NEK4: variants seen among roughly 807,000 people sequenced by gnomAD.
NEK4 encodes serine/threonine-protein kinase Nek4.
NEK4 carries 86 observed loss-of-function variants against 98.4 expected under a neutral mutation model. The ratio of observed to expected loss-of-function variants is 0.87; its 90% CI spans 0.73 to 1.05. NEK4 has a LOEUF of 1.05. Ranked by LOEUF, NEK4 falls within the 50% of genes least tolerant of loss-of-function variation. The probability of loss-of-function intolerance (pLI) is 0.00; values close to 1 mark genes in which losing one functional copy is unlikely to be tolerated. For missense variants in NEK4, 898 were observed against 950.3 expected, an observed-to-expected ratio of 0.94 and a Z score of 0.72; for synonymous variants, 328 against 342.2, an observed-to-expected ratio of 0.96 and a Z score of 0.46.
At chr3:52,734,518 C>A (rs543078580) in intron 15 of NEK4, among the ~76,000 whole-genome samples, 40 of 147,682 alleles carry the variant, frequency 2.7e-4, no homozygotes, top group African/African-American at 9.6e-4. Context: ...ACTAAAAATA[C>A]AAAAATTAGC....
chr3:52,716,225 C>A (rs1030185517), intron 15 of NEK4, among the ~76,000 whole-genome samples: 4 of 152,214 alleles, frequency 2.6e-5, no homozygotes, highest in Non-Finnish European at 4.4e-5. Flanking sequence ...ATGGACAGAA[C>A]AAGCCCAGTG....
chr3:52,758,178 CAAAAAAA>C (rs35117059), intron 6 of NEK4, among the ~76,000 whole-genome samples: 2 of 62,780 alleles, frequency 3.2e-5, no homozygotes, highest in Non-Finnish European at 5.5e-5. Context: ...GACACCATCT[CAAAAAAA>C]AAAAAAAAAA....
chr3:52,739,039 T>G (rs539100842), intron 14 of NEK4, among the ~76,000 whole-genome samples: 118 of 152,322 alleles, frequency 7.7e-4, no homozygotes, highest in African/African-American at 2.6e-3. Context: ...ACAAAAAAAT[T>G]TATAGGCATT....
At chr3:52,720,708 G>A (rs1162106408) in intron 15 of NEK4, among the ~76,000 whole-genome samples, 2 of 152,146 alleles carry the variant, frequency 1.3e-5, no homozygotes, top group Non-Finnish European at 2.9e-5. Context: ...GAAATTCCCA[G>A]ATAAACAAAA....
At position 52,741,455 on chromosome 3, in the gene NEK4, A is replaced by G. The variant is rs927288423; in HGVS notation, c.2049T>C (p.Ser683=). ...CTGACTTATCAGTTGAACTTGTAGA[A>G]GAACTTAACTCATCCTCAGACAGAC... ...IHCLSEDELS[S]STSSTDKSDG... is the part of the protein sequence containing the mutation. Residue 683 remains serine (S), a synonymous_variant, in exon 13 of 16, where the codon TCT becomes TCC. Coordinates refer to ENST00000233027, the MANE Select transcript of NEK4 (RefSeq NM_003157.6). The G allele has an allele frequency of 6.2e-7, 1 of 1,611,542 alleles. No individual in the cohort carries two copies.
At chr3:52,747,138 G>A (rs1444658224) in intron 8 of NEK4, among the ~76,000 whole-genome samples, 1 of 152,092 alleles carries the variant, frequency 6.6e-6, no homozygotes, top group Non-Finnish European at 1.5e-5. Context: ...GAATATAGAG[G>A]TATACATAAC....
chr3:52,750,672 A>G (rs981991808), intron 7 of NEK4, among the ~76,000 whole-genome samples: 1 of 152,176 alleles, frequency 6.6e-6, no homozygotes, highest in Non-Finnish European at 1.5e-5. Flanking sequence ...TCATGCCTAT[A>G]ATCCCAGTAC....
chr3:52,731,751 G>T (rs2097369884), intron 15 of NEK4, among the ~76,000 whole-genome samples: 1 of 152,174 alleles, frequency 6.6e-6, no homozygotes, highest in Non-Finnish European at 1.5e-5. Context: ...AAACTTCTGA[G>T]TTCAGGCAAT....
intron 15 of NEK4, chr3:52,733,368 G>GT (rs1472388142): frequency 2.2e-5 from 8 of 364,886 alleles, no homozygotes; most frequent in African/African-American, 1.5e-4. Context: ...CCTCGCAAAT[G>GT]TAACGAATGT....
At chr3:52,734,782 CA>C in intron 15 of NEK4, 1 of 257,796 alleles carries the variant, frequency 3.9e-6, no homozygotes, top group Non-Finnish European at 7.7e-6. Flanking sequence ...TCAACCCTCC[CA>C]AAACTGTTGG....
At position 52,724,232 on chromosome 3, in the gene NEK4, A is replaced by AACACAC. The variant is rs10528307; in HGVS notation, c.2434-12369_2434-12364dup. Among the ~76,000 whole-genome samples, 460 of 145,290 alleles carry AACACAC rather than the reference A, an allele frequency of 3.2e-3. 3 individuals carry two copies. The highest frequency in any genetic ancestry group is 7.4e-3 in the East Asian group (37 of 4,976). On this transcript the variant is annotated intron_variant, in intron 15 of 15. Coordinates refer to ENST00000233027, the MANE Select transcript of NEK4 (RefSeq NM_003157.6). ...TGGGGACAGTGAGACTTTGTCTTAA[A>AACACAC]ACACACACACACACACACACACACA...
rs1263372811 is a variant in NEK4, at chr3:52,734,380, G to A, written c.2433+3206C>T. 3.3e-5 allele frequency among the ~76,000 whole-genome samples: 5 copies of A among 149,810 alleles called. No individual in the cohort carries two copies. In the East Asian group the frequency reaches 9.9e-4, roughly 30 times the overall value. On this transcript the variant is annotated intron_variant, in intron 15 of 15. Coordinates refer to ENST00000233027, the MANE Select transcript of NEK4 (RefSeq NM_003157.6). ...CAGGAGAATTGCTTGAACCCAGGAG[G>A]CGGAGGTTGCGGTGAGCCAATATCA...
At position 52,746,715 on chromosome 3, in the gene NEK4, C is replaced by T. The variant is rs747592047; in HGVS notation, c.1677+19G>A. The T allele has an allele frequency of 6.3e-7, 1 of 1,586,870 alleles. No individual in the cohort carries two copies. Among genetic ancestry groups the T allele is most frequent in the Non-Finnish European group, 8.6e-7 (1 of 1,165,882 alleles). On this transcript the variant is annotated intron_variant, in intron 9 of 15. Coordinates refer to ENST00000233027, the MANE Select transcript of NEK4 (RefSeq NM_003157.6). The stretch of plus-strand genomic sequence containing the variant: ...AGTTTCCCAAAGTCCACCTCCCAAA[C>T]CAAAGCAAAATGACTTACAGCAAAG...
intron 7 of NEK4, among the ~76,000 whole-genome samples, chr3:52,751,348 C>T (rs1359249705): frequency 1.7e-4 from 26 of 151,432 alleles, no homozygotes; most frequent in Non-Finnish European, 1.5e-4. Context: ...CCCAGCTACT[C>T]GGGAGGCTGA....
chr3:52,725,439 C>T (rs930869596), intron 15 of NEK4, among the ~76,000 whole-genome samples: 1 of 151,902 alleles, frequency 6.6e-6, no homozygotes, highest in Non-Finnish European at 1.5e-5. Context: ...GGAGTGAACC[C>T]GGGAGGCGGA....
rs564146531 is a variant in NEK4 at position 52,753,781 on chromosome 3, G to A, written c.964-1445C>T. ...TTCTTGCTGAATTTACCTTGGTTGC[G>A]GAGCAGACGTTATTAGGTGTCTATG... On this transcript the variant is annotated intron_variant, in intron 6 of 15. Coordinates refer to ENST00000233027, the MANE Select transcript of NEK4 (RefSeq NM_003157.6). The A allele has an allele frequency of 7.2e-5, 38 of 525,582 alleles. No individual in the cohort carries two copies. In the East Asian group the frequency reaches 1.3e-3, roughly 18 times the overall value. 32.6% of individuals were successfully genotyped at this position (525,582 alleles called of 1,614,324 possible). A position where few individuals can be genotyped will look rare whatever the true frequency, so the allele number is the denominator to read the frequency against.
intron 9 of NEK4, 53 bp downstream of exon 9, chr3:52,746,681 T>C (rs1236382148): frequency 6.6e-7 from 1 of 1,517,530 alleles, no homozygotes; most frequent in Non-Finnish European, 9.0e-7. Context: ...TTGCTCTAAA[T>C]AGAAATTGAG....
chr3:52,751,971 A>G lies in NEK4; in HGVS notation c.1329T>C (p.Pro443=), dbSNP rs2097405932. ...VTGEKNEPVK[P]LQPLIKEQKP... ...TTTGTTCTTTGATTAGGGGCTGCAG[A>G]GGCTTCACTGGTTCATTCTTTTCCC... The change falls in exon 7 of 16, where the codon CCT becomes CCC. Residue 443 remains proline (P), a synonymous_variant. Coordinates refer to ENST00000233027, the MANE Select transcript of NEK4 (RefSeq NM_003157.6). 6.2e-7 allele frequency: 1 copy of G among 1,613,948 alleles called. No individual in the cohort carries two copies. Among genetic ancestry groups the G allele is most frequent in the South Asian group, 1.1e-5 (1 of 91,084 alleles).
At chr3:52,764,780 A>ACG (rs1559450520) in intron 4 of NEK4, among the ~76,000 whole-genome samples, 1 of 51,728 alleles carries the variant, frequency 1.9e-5, no homozygotes. Flanking sequence ...ACACACATGC[A>ACG]CACACACACA....
Sources: gnomAD v4.1 joint callset for allele counts (sites outside exome capture counted in the v4.1 genomes callset) on GRCh38, gnomAD v4.1.1 for gene constraint, MANE v1.5 for transcripts, NCBI Gene and HGNC (gene_info 2026-07-23, HGNC 2026-07-21) for gene names.